The following SLC8A1 variants were observed in gnomAD, a reference collection of about 807,000 sequenced individuals.
The protein encoded by SLC8A1 is solute carrier family 8 member A1.
SLC8A1 carries 18 observed loss-of-function variants against 68.3 expected under a neutral mutation model. The ratio of observed to expected loss-of-function variants is 0.26; its 90% CI spans 0.18 to 0.39. The LOEUF (loss-of-function observed/expected upper bound fraction) is 0.39. Ranked by LOEUF, SLC8A1 falls within the 10% of genes least tolerant of loss-of-function variation. The pLI is 1.00. For missense variants in SLC8A1, 985 were observed against 1,156.7 expected, an observed-to-expected ratio of 0.85 and a Z score of 2.15; for synonymous variants, 475 against 415.5, an observed-to-expected ratio of 1.14 and a Z score of -1.74.
At chr2:40,113,237 G>C (rs965449884) in exon 8 of SLC8A1, 1 of 152,580 alleles carries the variant, frequency 6.6e-6, no homozygotes, top group Non-Finnish European at 1.5e-5. Flanking sequence ...GAAAAAATAA[G>C]TCTCAACAGC....
chr2:40,177,997 A>C (rs2048777630), intron 2 of SLC8A1: 10 of 635,632 alleles, frequency 1.6e-5, no homozygotes, highest in Middle Eastern at 2.5e-4. Flanking sequence ...GTAAAAGGGC[A>C]TCTTGGGTAC....
intron 2 of SLC8A1, among the ~76,000 whole-genome samples, chr2:40,305,829 G>T (rs144348235): frequency 2.3e-3 from 355 of 152,262 alleles, no homozygotes; most frequent in Admixed American, 4.8e-3. Context: ...AAGAAAATAA[G>T]ACACTTAAAA....
chr2:40,145,149 T>A (rs1156329096), intron 6 of SLC8A1, among the ~76,000 whole-genome samples: 1 of 151,890 alleles, frequency 6.6e-6, no homozygotes, highest in African/African-American at 2.4e-5. Flanking sequence ...TTTTCAAACA[T>A]ATATATTTTC....
chr2:40,417,685 C>A (rs964938494), intron 2 of SLC8A1, among the ~76,000 whole-genome samples: 2 of 152,086 alleles, frequency 1.3e-5, no homozygotes, highest in Admixed American at 6.6e-5. Context: ...AGGATTTAAA[C>A]CCAGGCTAGT....
intron 2 of SLC8A1, among the ~76,000 whole-genome samples, chr2:40,277,821 T>TATATATATATAC (rs1553469384): frequency 2.1e-4 from 29 of 137,372 alleles, no homozygotes; most frequent in African/African-American, 7.1e-4. Flanking sequence ...TATATATATA[T>TATATATATATAC]ATATATATAT....
chr2:40,244,336 A>G (rs428738), intron 2 of SLC8A1, among the ~76,000 whole-genome samples: 1 of 151,918 alleles, frequency 6.6e-6, no homozygotes, highest in Admixed American at 6.6e-5. Context: ...GAGCGTTTCC[A>G]CATCTATTAT....
chr2:40,510,108 G>A (rs1241678482), intron 1 of SLC8A1, among the ~76,000 whole-genome samples: 2 of 152,154 alleles, frequency 1.3e-5, no homozygotes, highest in African/African-American at 2.4e-5. Flanking sequence ...TTACAGGCGT[G>A]AGCCACCGTG....
At position 40,367,955 on chromosome 2, in the gene SLC8A1, T is replaced by TC. The variant is rs372686157; in HGVS notation, c.1808+60517dup. ...GTATTTTTCAAAAACTTAAATTCAG[T>TC]CCTTCATATTTCTCCCCACTGAATC... is the stretch of plus-strand genomic sequence containing the variant. On this transcript the variant is annotated intron_variant, in intron 2 of 7. Coordinates refer to ENST00000406785, the Ensembl canonical transcript of SLC8A1. Among the ~76,000 whole-genome samples the TC allele has an allele frequency of 6.1e-3, 930 of 152,080 alleles. 6 individuals carry two copies. The highest frequency in any genetic ancestry group is 0.021 in the African/African-American group (873 of 41,510).
At chr2:40,306,451 G>GT (rs1046125289) in intron 2 of SLC8A1, among the ~76,000 whole-genome samples, 6 of 132,160 alleles carry the variant, frequency 4.5e-5, no homozygotes, top group Non-Finnish European at 8.0e-5. Context: ...AGGAATGGTT[G>GT]TGGGGGGGGG....
chr2:40,416,603 C>T (rs1422977762), intron 2 of SLC8A1, among the ~76,000 whole-genome samples: 1 of 152,012 alleles, frequency 6.6e-6, no homozygotes, highest in East Asian at 1.9e-4. Context: ...TACTTCAATG[C>T]CTTAATGTTA....
chr2:40,332,478 G>T (rs192908935), intron 2 of SLC8A1, among the ~76,000 whole-genome samples: 1 of 152,146 alleles, frequency 6.6e-6, no homozygotes, highest in African/African-American at 2.4e-5. Context: ...TCTTTATCCC[G>T]TGAGTTCATT....
chr2:40,203,534 TC>T (rs2054810263), intron 2 of SLC8A1, among the ~76,000 whole-genome samples: 1 of 151,962 alleles, frequency 6.6e-6, no homozygotes, highest in African/African-American at 2.4e-5. Flanking sequence ...TGCTAACACT[TC>T]CATTAGTTGC....
chr2:40,431,650 C>T (rs1698327771), intron 1 of SLC8A1, among the ~76,000 whole-genome samples: 1 of 152,138 alleles, frequency 6.6e-6, no homozygotes, highest in African/African-American at 2.4e-5. Context: ...CTAGTTATGA[C>T]ATCAGATAAA....
intron 1 of SLC8A1, among the ~76,000 whole-genome samples, chr2:40,464,242 T>C (rs1393094188): frequency 1.1e-4 from 16 of 152,136 alleles, no homozygotes; most frequent in Non-Finnish European, 2.4e-4. Context: ...CTGAACCAGA[T>C]AGGTTCAGAG....
intron 2 of SLC8A1, among the ~76,000 whole-genome samples, chr2:40,361,291 T>C (rs1674545213): frequency 6.6e-6 from 1 of 152,160 alleles, no homozygotes; most frequent in Non-Finnish European, 1.5e-5. Context: ...ATTTGATGTG[T>C]GCCGGTTACT....
At chr2:40,373,029 A>G (rs945536289) in intron 2 of SLC8A1, among the ~76,000 whole-genome samples, 14 of 143,918 alleles carry the variant, frequency 9.7e-5, no homozygotes, top group African/African-American at 2.6e-5. Context: ...AACCAACTTA[A>G]GGGGGAAAAA....
intron 2 of SLC8A1, among the ~76,000 whole-genome samples, chr2:40,309,794 G>A (rs549939538): frequency 1.6e-4 from 25 of 152,082 alleles, no homozygotes; most frequent in African/African-American, 5.1e-4. Context: ...GTGAGCTATC[G>A]TTCCCATCCT....
intron 2 of SLC8A1, among the ~76,000 whole-genome samples, chr2:40,370,670 A>G (rs1325794865): frequency 6.6e-6 from 1 of 152,116 alleles, no homozygotes; most frequent in Non-Finnish European, 1.5e-5. Context: ...TTCAATAAAT[A>G]TATTACAAAA....
chr2:40,432,654 G>A (rs974761208), intron 1 of SLC8A1, among the ~76,000 whole-genome samples: 14 of 151,898 alleles, frequency 9.2e-5, no homozygotes, highest in African/African-American at 2.9e-4. Context: ...ATGGACCAAG[G>A]GGGCAGGGCT....
Sources: allele counts gnomAD v4.1 joint callset (sites outside exome capture counted in the v4.1 genomes callset), GRCh38; gene constraint gnomAD v4.1.1; transcripts MANE v1.5; gene names NCBI Gene and HGNC (gene_info 2026-07-23, HGNC 2026-07-21).